ZNF112: variants seen among roughly 807,000 people sequenced by gnomAD.
ZNF112 encodes the protein zinc finger protein 112, also known as zinc finger protein 112 (Y14).
A neutral mutation model predicts 77.7 loss-of-function variants in ZNF112; 37 were observed. The ratio of observed to expected loss-of-function variants is 0.48; its 90% CI spans 0.37 to 0.63. The LOEUF (loss-of-function observed/expected upper bound fraction) is 0.63. Among genes scored for constraint, ZNF112 ranks in the 20% least tolerant of loss-of-function variants. The pLI is 0.00. For synonymous variants in ZNF112, 333 were observed against 363.6 expected (o/e 0.92, Z 0.96); for missense variants, 950 against 1,077.4 (o/e 0.88, Z 1.66).
At chr19:44,360,962 G>A (rs748793806), upstream of ZNF112, among the ~76,000 whole-genome samples, 3 of 152,114 alleles carry the variant, frequency 2.0e-5, no homozygotes, top group Admixed American at 6.5e-5. Flanking sequence ...GATGTCTATC[G>A]ATGATAGTAT....
Position 44,332,520 on chromosome 19 carries a change from T to G in ZNF112, c.221-2584A>C, listed in dbSNP as rs377080575. On this transcript the variant is annotated intron_variant, in intron 3 of 3. Transcript: ENST00000354340. ...TCAGATAAAGTATATAGCTTATATGTGAGAAGTTTGAGCTTCCAGCTAGGG... is the reference window on the plus strand; with the variant it reads ...TCAGATAAAGTATATAGCTTATATGGGAGAAGTTTGAGCTTCCAGCTAGGG... 1.1e-4 allele frequency among the ~76,000 whole-genome samples: 17 copies of G among 152,340 alleles called. No individual in the cohort carries two copies. In the East Asian group the frequency reaches 2.7e-3, roughly 24 times the overall value.
chr19:44,346,169 C>T (rs1970585910), intron 1 of ZNF112, among the ~76,000 whole-genome samples: 1 of 152,206 alleles, frequency 6.6e-6, no homozygotes, highest in Admixed American at 6.5e-5. Context: ...AAGCGGAATG[C>T]TTTGGCCAAG....
At chr19:44,365,011 T>TG (rs112330841) in intron 1 of ZNF112, among the ~76,000 whole-genome samples, 4,248 of 152,202 alleles carry the variant, frequency 0.028, 186 homozygotes, top group African/African-American at 0.091. Flanking sequence ...GGTGGGTGGG[T>TG]GTTCCCTTCC....
At chr19:44,356,296 A>C (rs1349733982) in intron 1 of ZNF112, among the ~76,000 whole-genome samples, 3 of 152,200 alleles carry the variant, frequency 2.0e-5, no homozygotes, top group Admixed American at 6.5e-5. Context: ...AAGAAAAAGA[A>C]ACATAGGCAG....
chr19:44,336,681 C>A lies in ZNF112; in HGVS notation c.162G>T (p.Leu54=). The A allele has an allele frequency of 1.2e-6, 2 of 1,613,954 alleles. No individual in the cohort carries two copies. Among genetic ancestry groups the A allele is most frequent in the Middle Eastern group, 3.3e-4 (2 of 6,056 alleles). Reference sequence around the variant, plus strand: ...CCATCAAAAGCTTTTCTTCTCTCTCCAGCTGGGATATTAGGTCTGGCTTGA... The same window carrying A: ...CCATCAAAAGCTTTTCTTCTCTCTCAAGCTGGGATATTAGGTCTGGCTTGA... ...QPFKPDLISQ[L]EREEKLLMVE... The change falls in exon 3 of 4, where the codon CTG becomes CTT. Residue 54 remains leucine (L), a synonymous_variant. Coordinates refer to ENST00000354340, the MANE Select transcript of ZNF112 (RefSeq NM_013380.4).
intron 1 of ZNF112, among the ~76,000 whole-genome samples, chr19:44,363,748 T>C (rs1357337201): frequency 1.3e-5 from 2 of 152,246 alleles, no homozygotes; most frequent in Non-Finnish European, 2.9e-5. Context: ...TTTGCGTGCA[T>C]GTGCTTTCTT....
chr19:44,336,056 A>G (rs1309701492), intron 3 of ZNF112, among the ~76,000 whole-genome samples: 1 of 152,224 alleles, frequency 6.6e-6, no homozygotes, highest in African/African-American at 2.4e-5. Context: ...AAAATGCTGC[A>G]TGAGGAAGAC....
intron 1 of ZNF112, among the ~76,000 whole-genome samples, chr19:44,343,778 A>G (rs965301913): frequency 1.3e-5 from 2 of 152,234 alleles, no homozygotes; most frequent in African/African-American, 2.4e-5. Context: ...ATCTGTGTGC[A>G]TAGAGGAAAC....
At chr19:44,359,449 G>A (rs113774710), upstream of ZNF112, among the ~76,000 whole-genome samples, 2 of 144,692 alleles carry the variant, frequency 1.4e-5, no homozygotes, top group South Asian at 2.4e-4. Context: ...CCAGCCTCCC[G>A]AGTAGCTGGG....
At chr19:44,343,126 C>A in intron 1 of ZNF112, 11 of 960,760 alleles carry the variant, frequency 1.1e-5, no homozygotes, top group South Asian at 4.2e-5. Flanking sequence ...AAGCAAGAGC[C>A]TGATACATAA....
intron 1 of ZNF112, among the ~76,000 whole-genome samples, chr19:44,362,994 G>C (rs1465798415): frequency 1.3e-5 from 2 of 152,096 alleles, no homozygotes; most frequent in Non-Finnish European, 2.9e-5. Context: ...TTTGAAGACA[G>C]GGTCTTACCT....
At chr19:44,340,177 G>A (rs961802721) in intron 2 of ZNF112, among the ~76,000 whole-genome samples, 6 of 152,058 alleles carry the variant, frequency 3.9e-5, no homozygotes, top group Non-Finnish European at 7.4e-5. Context: ...TTACTAACCT[G>A]GAACAACTTA....
At chr19:44,358,156 G>GAAAAAAAAAAAAAAAAAAA (rs59023124), upstream of ZNF112, among the ~76,000 whole-genome samples, 1 of 130,400 alleles carries the variant, frequency 7.7e-6, no homozygotes, top group Non-Finnish European at 1.6e-5. Context: ...CGTCTCAAAA[G>GAAAAAAAAAAAAAAAAAAA]AAAAAAAAAA....
Position 44,328,456 on chromosome 19 carries a change from T to G in ZNF112, c.1701A>C (p.Arg567Ser), listed in dbSNP as rs1412860851. The change falls in exon 4 of 4, where the codon AGA becomes AGC. Residue 567 changes from arginine (R) to serine (S), a missense_variant. By Grantham distance (110) the Arg-to-Ser change is moderately radical. This residue lies in a region of ZNF112 where 373 missense variants were observed against 482.8 expected (regional missense o/e 0.77). Coordinates refer to ENST00000354340, the MANE Select transcript of ZNF112 (RefSeq NM_013380.4). ...TATAAGGTTTTTCTCCAGTGTGGAC[T>G]CTCTGATGGGCTTGAAGATATGAAC... is the stretch of plus-strand genomic sequence containing the variant. ...SRSSYLQAHQRVHTGEKPYKC... is the reference protein window; with the variant it reads ...SRSSYLQAHQSVHTGEKPYKC... The G allele has an allele frequency of 1.2e-6, 2 of 1,613,970 alleles. No homozygotes were observed.
chr19:44,359,657 A>C (rs918841522), upstream of ZNF112, among the ~76,000 whole-genome samples: 1 of 152,096 alleles, frequency 6.6e-6, no homozygotes, highest in African/African-American at 2.4e-5. Context: ...AAATCTAGCT[A>C]CCAACTCTAC....
chr19:44,362,012 A>G (rs1211191798), intron 1 of ZNF112, among the ~76,000 whole-genome samples: 1 of 152,242 alleles, frequency 6.6e-6, no homozygotes, highest in African/African-American at 2.4e-5. Context: ...TATATGGCAT[A>G]GAACTTTTTC....
At chr19:44,347,674 CCTTT>C (rs1970621247) in intron 1 of ZNF112, among the ~76,000 whole-genome samples, 2 of 151,554 alleles carry the variant, frequency 1.3e-5, no homozygotes, top group South Asian at 4.2e-4. Flanking sequence ...CAAATAGTTT[CCTTT>C]ATCTCCCCAC....
rs774727808 is a variant in ZNF112, at chr19:44,329,096, C to T, written c.1061G>A (p.Arg354Lys). 4 of 1,613,814 alleles carry T rather than the reference C, an allele frequency of 2.5e-6. No individual in the cohort carries two copies. Among genetic ancestry groups the T allele is most frequent in the Non-Finnish European group, 3.4e-6 (4 of 1,179,962 alleles). The stretch of plus-strand genomic sequence containing the variant: ...GAAGGCTTTCTCATAAATGTTGTGC[C>T]TATAGGACATCTCACCTGTGTGGAT... ...ELIHTGEMSY[R>K]HNIYEKAFSH... is the part of the protein sequence containing the mutation. The change falls in exon 4 of 4, where the codon AGG (arginine) becomes AAG (lysine). Residue 354 changes from arginine (R) to lysine (K), a missense_variant. By Grantham distance (26) the Arg-to-Lys change is conservative. This residue lies in a region of ZNF112 where 560 missense variants were observed against 557.3 expected (regional missense o/e 1.00). Transcript: ENST00000354340.
At chr19:44,354,140 T>G (rs913943471) in intron 1 of ZNF112, among the ~76,000 whole-genome samples, 1 of 152,122 alleles carries the variant, frequency 6.6e-6, no homozygotes, top group Non-Finnish European at 1.5e-5. Flanking sequence ...ATCAGTTCAT[T>G]TATACGACAT....
Sources: allele counts gnomAD v4.1 joint callset (sites outside exome capture counted in the v4.1 genomes callset), GRCh38; gene constraint gnomAD v4.1.1; regional missense constraint gnomAD v4.1.1; transcripts MANE v1.5; gene names NCBI Gene and HGNC (gene_info 2026-07-23, HGNC 2026-07-21).